The following UCN3 variants were observed in gnomAD, a reference collection of about 807,000 sequenced individuals.
UCN3 encodes the protein urocortin-3.
UCN3 carries 3 observed loss-of-function variants against 3.6 expected under a neutral mutation model. The observed-to-expected ratio is 0.83, with a 90% CI of 0.38 to 2.15. The LOEUF is 2.15. Among genes scored for constraint, UCN3 ranks in the 30% most tolerant of loss-of-function variants. The pLI is 0.06. For missense variants in UCN3, 206 were observed against 208.3 expected (o/e 0.99, Z 0.07); for synonymous variants, 100 against 93.2 (o/e 1.07, Z -0.42).
chr10:5,370,852 C>CATGTGTGTGT (rs1330494861), intron 1 of UCN3, among the ~76,000 whole-genome samples: 2 of 71,504 alleles, frequency 2.8e-5, no homozygotes, highest in Non-Finnish European at 5.0e-5. Context: ...TGTGTGTGCG[C>CATGTGTGTGT]GTGTGTGTGC....
rs1197465946 is a variant in UCN3 at position 5,365,241 on chromosome 10, G to A, written c.-7+11G>A. On this transcript the variant is annotated intron_variant, in intron 1 of 1. Transcript: ENST00000380433. The surrounding 1 kb of genome is among the most constrained non-coding windows in gnomAD (Gnocchi z 4.4). Reference sequence around the variant, plus strand: ...GAAGTCCACTCTCGGGTAAGCTTGTGGCTGGGACTGACTTATGAAGGGTAA... The same window carrying A: ...GAAGTCCACTCTCGGGTAAGCTTGTAGCTGGGACTGACTTATGAAGGGTAA... 3 of 152,372 alleles carry A rather than the reference G, an allele frequency of 2.0e-5. No homozygotes were observed. The highest frequency in any genetic ancestry group is 6.5e-5 in the Admixed American group (1 of 15,292). The allele number at this position is 152,372 out of a possible 1,614,324, so 9.4% of individuals were successfully genotyped here. A position where few individuals can be genotyped will look rare whatever the true frequency, so the allele number is the denominator to read the frequency against.
chr10:5,369,963 A>ATG (rs1831324992), intron 1 of UCN3, among the ~76,000 whole-genome samples: 1 of 78,178 alleles, frequency 1.3e-5, no homozygotes, highest in African/African-American at 5.8e-5. Context: ...GTGTGTGTAT[A>ATG]TGCGTGTGTA....
rs997124015 is a variant in UCN3 at position 5,369,583 on chromosome 10, T to C, written c.-6-4132T>C. On this transcript the variant is annotated intron_variant, in intron 1 of 1. Coordinates refer to ENST00000380433, the MANE Select transcript of UCN3 (RefSeq NM_053049.4). ...TGTCTAACTCCAAAGCCTGTGTTGT[T>C]CTCACTTCGCCAGGCAACATGCCCA... Among the ~76,000 whole-genome samples the C allele has an allele frequency of 4.6e-5, 7 of 152,238 alleles. No individual in the cohort carries two copies. In the East Asian group the frequency reaches 1.2e-3, roughly 25 times the overall value.
rs1831413050 is a variant in UCN3 at position 5,370,920 on chromosome 10, C to CGTGTGTATATGTGTGTTTATGT, written c.-6-2778_-6-2777insTATGTGTGTGTATATGTGTGTT. Among the ~76,000 whole-genome samples, 12 of 109,900 alleles carry CGTGTGTATATGTGTGTTTATGT rather than the reference C, an allele frequency of 1.1e-4. No homozygotes were observed. The East Asian group carries it at 2.2e-3, about 20-fold the overall frequency. 72.1% of individuals were successfully genotyped at this position (109,900 alleles called of 152,430 possible). On this transcript the variant is annotated intron_variant, in intron 1 of 1. Transcript: ENST00000380433. ...GCGTGTGTATATGCGTGTGTATATG[C>CGTGTGTATATGTGTGTTTATGT]GTGTGTATATGTGTGTTCATGTGTA...
Position 5,370,237 on chromosome 10 carries a change from G to A in UCN3, c.-6-3478G>A, listed in dbSNP as rs1459964459. 2.3e-4 allele frequency among the ~76,000 whole-genome samples: 19 copies of A among 82,910 alleles called. 1 individual carries two copies. The highest frequency in any genetic ancestry group is 5.2e-4 in the East Asian group (1 of 1,906). 54.4% of individuals were successfully genotyped at this position (82,910 alleles called of 152,430 possible). On this transcript the variant is annotated intron_variant, in intron 1 of 1. Coordinates refer to ENST00000380433, the MANE Select transcript of UCN3 (RefSeq NM_053049.4). ...TGTGTGTGTATGTGCGTGTGTGTAT[G>A]CGTGTGTGTATGCGTGTGTATATGC...
intron 1 of UCN3, among the ~76,000 whole-genome samples, chr10:5,371,600 T>C (rs569355660): frequency 1.3e-5 from 2 of 152,192 alleles, no homozygotes; most frequent in Admixed American, 6.5e-5. Context: ...TCCACTGCAC[T>C]CATGTGTGGG....
chr10:5,370,851 G>GTATA (rs1564443660), intron 1 of UCN3, among the ~76,000 whole-genome samples: 4 of 29,610 alleles, frequency 1.4e-4, no homozygotes, highest in South Asian at 1.7e-3. Context: ...GTGTGTGTGC[G>GTATA]CGTGTGTGTG....
At position 5,368,131 on chromosome 10, in the gene UCN3, G is replaced by A. The variant is rs548389722; in HGVS notation, c.-7+2901G>A. 7.2e-5 allele frequency among the ~76,000 whole-genome samples: 11 copies of A among 152,220 alleles called. No homozygotes were observed. In the South Asian group the frequency reaches 2.3e-3, roughly 32 times the overall value. ...CAATTCTCCTGCCTCAGCCTTCTGG[G>A]TAGCTGGGATTACAGGCGTGTGCCA... On this transcript the variant is annotated intron_variant, in intron 1 of 1. Coordinates refer to ENST00000380433, the MANE Select transcript of UCN3 (RefSeq NM_053049.4).
At position 5,370,850 on chromosome 10, in the gene UCN3, CGCGTGTGTGT is replaced by C. The variant is rs1251401981; in HGVS notation, c.-6-2856_-6-2847del. The stretch of plus-strand genomic sequence containing the variant: ...GCGCGTGTGTGTGCGCGTGTGTGTG[CGCGTGTGTGT>C]GCGTGTGTATGTGTGTGTATATGCG... On this transcript the variant is annotated intron_variant, in intron 1 of 1. Transcript: ENST00000380433. Among the ~76,000 whole-genome samples the C allele has an allele frequency of 9.4e-5, 6 of 63,652 alleles. 1 individual carries two copies. The highest frequency in any genetic ancestry group is 1.5e-4 in the Non-Finnish European group (5 of 33,020). The allele number at this position is 63,652 out of a possible 152,430, so 41.8% of individuals were successfully genotyped here. A position where few individuals can be genotyped will look rare whatever the true frequency, so the allele number is the denominator to read the frequency against.
intron 1 of UCN3, among the ~76,000 whole-genome samples, chr10:5,370,782 TGTGTGTGTATGC>T (rs1165268461): frequency 2.9e-5 from 4 of 139,992 alleles, no homozygotes; most frequent in Non-Finnish European, 6.0e-5. Flanking sequence ...TATATGCGTG[TGTGTGTGTATGC>T]GTGTGTATAT....
Position 5,365,555 on chromosome 10 carries a change from A to G in UCN3, c.-7+325A>G, listed in dbSNP as rs1834108109. Among the ~76,000 whole-genome samples the G allele has an allele frequency of 6.6e-6, 1 of 152,228 alleles. No homozygotes were observed. Among genetic ancestry groups the G allele is most frequent in the South Asian group, 2.1e-4 (1 of 4,834 alleles). On this transcript the variant is annotated intron_variant, in intron 1 of 1. Transcript: ENST00000380433. This position sits in a 1 kb window ranked among gnomAD's most constrained non-coding sequence, Gnocchi z 4.4. ...GAGCACAGCTGTGCACAGGAAAGTC[A>G]GTCCTCGGAGACAGTTTACAAATGG... is the stretch of plus-strand genomic sequence containing the variant.
intron 1 of UCN3, among the ~76,000 whole-genome samples, chr10:5,370,169 G>A (rs1406980263): frequency 8.5e-6 from 1 of 117,932 alleles, no homozygotes; most frequent in East Asian, 2.8e-4. Context: ...GTGTATATGT[G>A]TGTGTATATG....
chr10:5,368,091 C>T (rs1368052419), intron 1 of UCN3, among the ~76,000 whole-genome samples: 2 of 152,160 alleles, frequency 1.3e-5, no homozygotes, highest in South Asian at 2.1e-4. Flanking sequence ...GCAACCTCCA[C>T]CTCCCAGGCT....
rs1324805673 is a variant in UCN3, at chr10:5,367,982, T to C, written c.-7+2752T>C. Among the ~76,000 whole-genome samples the C allele has an allele frequency of 4.6e-5, 7 of 151,952 alleles. No homozygotes were observed. The highest frequency in any genetic ancestry group is 1.7e-4 in the African/African-American group (7 of 41,370). On this transcript the variant is annotated intron_variant, in intron 1 of 1. Coordinates refer to ENST00000380433, the MANE Select transcript of UCN3 (RefSeq NM_053049.4). This position sits in a 1 kb window ranked among gnomAD's most constrained non-coding sequence, Gnocchi z 4.3. ...GCCTGAGGGTAGCTCCAGGGTTGCA[T>C]CTCAGCACCCTCTAATTTTTTTAAT... is the stretch of plus-strand genomic sequence containing the variant.
chr10:5,369,871 G>GTGTGTGTGTGTC lies in UCN3; in HGVS notation c.-6-3843_-6-3842insGTGTGTGTGTCT, dbSNP rs1410186192. Among the ~76,000 whole-genome samples, 222 of 96,264 alleles carry GTGTGTGTGTGTC rather than the reference G, an allele frequency of 2.3e-3. 21 individuals carry two copies. Among genetic ancestry groups the GTGTGTGTGTGTC allele is most frequent in the South Asian group, 3.5e-3 (7 of 1,994 alleles). The allele number at this position is 96,264 out of a possible 152,430, so 63.2% of individuals were successfully genotyped here. ...AACATTTATCCACGTGGGTGTGTGT[G>GTGTGTGTGTGTC]TATATGTGTGTGTATATGTGTGTGT... On this transcript the variant is annotated intron_variant, in intron 1 of 1. Transcript: ENST00000380433.
intron 1 of UCN3, among the ~76,000 whole-genome samples, chr10:5,370,318 T>TGTGTGTATATGC (rs1281443639): frequency 2.6e-5 from 2 of 76,110 alleles, no homozygotes; most frequent in Non-Finnish European, 5.0e-5. Context: ...TGCGTGTATG[T>TGTGTGTATATGC]GTGTGTATAT....
At position 5,366,730 on chromosome 10, in the gene UCN3, A is replaced by G. The variant is rs1588397717; in HGVS notation, c.-7+1500A>G. ...ACTAAGCTCAGCACCGGGCGTCCCT[A>G]TCATGTCCAATTCACAGTTCTGGGA... On this transcript the variant is annotated intron_variant, in intron 1 of 1. Transcript: ENST00000380433. This position sits in a 1 kb window ranked among gnomAD's most constrained non-coding sequence, Gnocchi z 4.2. Among the ~76,000 whole-genome samples the G allele has an allele frequency of 6.6e-6, 1 of 152,202 alleles. No individual in the cohort carries two copies.
In UCN3 at chr10:5,367,418, TG is replaced by T. The variant is rs1170136757; in HGVS notation, c.-7+2189del. ...TGAAAGAATTTAAAAGAGGTTGTTT[TG>T]CTTTGGAAAATAAATTGATTTAATT... On this transcript the variant is annotated intron_variant, in intron 1 of 1. Coordinates refer to ENST00000380433, the MANE Select transcript of UCN3 (RefSeq NM_053049.4). The surrounding 1 kb of genome is among the most constrained non-coding windows in gnomAD (Gnocchi z 4.3). Among the ~76,000 whole-genome samples the T allele has an allele frequency of 6.6e-6, 1 of 152,246 alleles. No homozygotes were observed. Among genetic ancestry groups the T allele is most frequent in the Non-Finnish European group, 1.5e-5 (1 of 68,038 alleles).
At chr10:5,368,609 T>A (rs1389708571) in intron 1 of UCN3, among the ~76,000 whole-genome samples, 2 of 152,194 alleles carry the variant, frequency 1.3e-5, no homozygotes, top group African/African-American at 2.4e-5. Flanking sequence ...TCTCCACCAC[T>A]TTCCCCCCAG....
Sources: gnomAD v4.1 joint callset for allele counts (sites outside exome capture counted in the v4.1 genomes callset) on GRCh38, gnomAD v4.1.1 for gene constraint, Gnocchi (gnomAD v3.1) non-coding constraint, MANE v1.5 for transcripts, NCBI Gene and HGNC (gene_info 2026-07-23, HGNC 2026-07-21) for gene names.